Variants in DUSP1 observed in about 807,000 individuals in gnomAD.
DUSP1 encodes the protein dual specificity phosphatase 1, also known as dual specificity protein phosphatase 1.
A neutral mutation model predicts 27.4 loss-of-function variants in DUSP1; 10 were observed. That is an observed-to-expected ratio of 0.37 (90% confidence interval 0.23 to 0.62). The LOEUF (loss-of-function observed/expected upper bound fraction) is 0.62, where lower values mean the gene tolerates loss of function less well. DUSP1 is among the 20% of genes least tolerant of loss of function. The probability of loss-of-function intolerance (pLI) is 0.68; values close to 1 mark genes in which losing one functional copy is unlikely to be tolerated. For missense variants in DUSP1, 425 were observed against 508.1 expected (o/e 0.84, Z 1.57); for synonymous variants, 262 against 223.6 (o/e 1.17, Z -1.53).
Position 172,770,168 on chromosome 5 carries a change from T to C in DUSP1, c.506A>G (p.Tyr169Cys), listed in dbSNP as rs2113424214. The C allele has an allele frequency of 6.3e-7, 1 of 1,578,466 alleles. No individual in the cohort carries two copies. The highest frequency in any genetic ancestry group is 1.2e-5 in the South Asian group (1 of 85,800). The stretch of plus-strand genomic sequence containing the variant: ...GCAGGGACACCTACTAACCTGATCG[T>C]AGAGTGGGGTACTGCAGGAACTGCA... ...SGCSSCSTPL[Y>C]DQGGPVEILP... Residue 169 changes from tyrosine (Y) to cysteine (C), a missense_variant, in exon 2 of 4, where the codon TAC (tyrosine) becomes TGC (cysteine). Coordinates refer to ENST00000239223, the MANE Select transcript of DUSP1 (RefSeq NM_004417.4).
chr5:172,770,462 G>C, intron 1 of DUSP1, 124 bp downstream of exon 1: 1 of 1,524,310 alleles, frequency 6.6e-7, no homozygotes, highest in Non-Finnish European at 8.7e-7. Flanking sequence ...ACAAGTTCCA[G>C]AGATAAATGT....
chr5:172,768,619 T>C lies in DUSP1; in HGVS notation c.*143A>G, dbSNP rs1291475176. 6 of 1,190,242 alleles carry C rather than the reference T, an allele frequency of 5.0e-6. No homozygotes were observed. The highest frequency in any genetic ancestry group is 6.6e-6 in the Non-Finnish European group (6 of 910,286). 73.7% of individuals were successfully genotyped at this position (1,190,242 alleles called of 1,614,324 possible). ...CTTGACGCTAAGTCATCACCATAAC[T>C]GCTTAGAAACCCAGAGGAACTCGGG... On this transcript the variant is annotated 3_prime_UTR_variant, in exon 4 of 4. Transcript: ENST00000239223.
Position 172,768,569 on chromosome 5 carries a change from C to T in DUSP1, c.*193G>A, listed in dbSNP as rs2113422052. On this transcript the variant is annotated 3_prime_UTR_variant, in exon 4 of 4. Coordinates refer to ENST00000239223, the MANE Select transcript of DUSP1 (RefSeq NM_004417.4). ...TGATGTACCCACTATATATTGGTCC[C>T]GAATGTGCTGAGTTCAGCAAATGTC... is the stretch of plus-strand genomic sequence containing the variant. The T allele has an allele frequency of 3.0e-6, 2 of 665,550 alleles. No homozygotes were observed. Among genetic ancestry groups the T allele is most frequent in the Non-Finnish European group, 4.4e-6 (2 of 458,436 alleles). 41.2% of individuals were successfully genotyped at this position (665,550 alleles called of 1,614,324 possible). A position where few individuals can be genotyped will look rare whatever the true frequency, so the allele number is the denominator to read the frequency against.
At chr5:172,770,462 G>A in intron 1 of DUSP1, 124 bp downstream of exon 1, 1 of 1,524,310 alleles carries the variant, frequency 6.6e-7, no homozygotes, top group African/African-American at 1.4e-5. Flanking sequence ...ACAAGTTCCA[G>A]AGATAAATGT....
At position 172,768,669 on chromosome 5, in the gene DUSP1, C is replaced by G; in HGVS notation, c.*93G>C. The G allele has an allele frequency of 7.0e-7, 1 of 1,419,348 alleles. No homozygotes were observed. Among genetic ancestry groups the G allele is most frequent in the Non-Finnish European group, 9.3e-7 (1 of 1,079,842 alleles). 87.9% of individuals were successfully genotyped at this position (1,419,348 alleles called of 1,614,324 possible). On this transcript the variant is annotated 3_prime_UTR_variant, in exon 4 of 4. Transcript: ENST00000239223. Reference sequence around the variant, plus strand: ...GTGAAGTTAAATAAATAAGGACCAGCCCTCTCGAGCCCCTCCCAGAGTTAT... The same window carrying G: ...GTGAAGTTAAATAAATAAGGACCAGGCCTCTCGAGCCCCTCCCAGAGTTAT...
rs1759830250 is a variant in DUSP1 at position 172,768,743 on chromosome 5, C to G, written c.*19G>C. 1 of 1,503,184 alleles carries G rather than the reference C, an allele frequency of 6.7e-7. No individual in the cohort carries two copies. The highest frequency in any genetic ancestry group is 1.4e-5 in the South Asian group (1 of 73,672). The allele number at this position is 1,503,184 out of a possible 1,614,324, so 93.1% of individuals were successfully genotyped here. A position where few individuals can be genotyped will look rare whatever the true frequency, so the allele number is the denominator to read the frequency against. On this transcript the variant is annotated 3_prime_UTR_variant, in exon 4 of 4. Transcript: ENST00000239223. ...TGGAGTCCCAATGGGATGTGAAGAG[C>G]CTCACCTCCCGTGGCCTTTCAGCAG...
chr5:172,770,986 T>G lies in DUSP1; in HGVS notation c.-34A>C. 2.2e-6 allele frequency: 3 copies of G among 1,383,876 alleles called. No individual in the cohort carries two copies. Among genetic ancestry groups the G allele is most frequent in the South Asian group, 3.2e-5 (2 of 63,132 alleles). 85.7% of individuals were successfully genotyped at this position (1,383,876 alleles called of 1,614,324 possible). ...TCAGCGCCCCCAGCGTGATCGGCCC[T>G]GCGGTGCTCTTTGTCTGTTCTCGGG... On this transcript the variant is annotated 5_prime_UTR_variant, in exon 1 of 4. Coordinates refer to ENST00000239223, the MANE Select transcript of DUSP1 (RefSeq NM_004417.4).
intron 1 of DUSP1, 112 bp downstream of exon 1, chr5:172,770,474 C>G: frequency 6.7e-7 from 1 of 1,495,326 alleles, no homozygotes; most frequent in Non-Finnish European, 8.8e-7. Context: ...GATAAATGTA[C>G]TCCAGCGCCC....
chr5:172,769,889 C>G, intron 2 of DUSP1, 95 bp from the exon 3 acceptor site: 1 of 1,407,068 alleles, frequency 7.1e-7, no homozygotes, highest in Non-Finnish European at 9.7e-7. Context: ...AAGTCAATTT[C>G]AGATACCGAG....
Position 172,770,884 on chromosome 5 carries a change from T to A in DUSP1, c.69A>T (p.Gln23His), listed in dbSNP as rs1174745207. The A allele has an allele frequency of 1.3e-6, 2 of 1,532,614 alleles. No individual in the cohort carries two copies. The highest frequency in any genetic ancestry group is 2.8e-5 in the African/African-American group (2 of 72,448). 94.9% of individuals were successfully genotyped at this position (1,532,614 alleles called of 1,614,324 possible). A position where few individuals can be genotyped will look rare whatever the true frequency, so the allele number is the denominator to read the frequency against. Residue 23 changes from glutamine (Q) to histidine (H), a missense_variant, in exon 1 of 4, where the codon CAA (glutamine) becomes CAT (histidine). Gln to His is a conservative substitution (Grantham distance 24). Coordinates refer to ENST00000239223, the MANE Select transcript of DUSP1 (RefSeq NM_004417.4). The part of the protein sequence containing the change: ...LRALLGERAA[Q>H]CLLLDCRSFF... ...AGGAGCGGCAGTCCAGCAGCAGGCA[T>A]TGCGCCGCTCGCTCCCCCAGCAGCG... is the stretch of plus-strand genomic sequence containing the variant.
chr5:172,768,829 G>A lies in DUSP1; in HGVS notation c.1037C>T (p.Pro346Leu), dbSNP rs1759832301. 1 of 1,589,568 alleles carries A rather than the reference G, an allele frequency of 6.3e-7. No individual in the cohort carries two copies. Among genetic ancestry groups the A allele is most frequent in the Non-Finnish European group, 8.6e-7 (1 of 1,166,850 alleles). Reference sequence around the variant, plus strand: ...CAGCGCACTGTTCGTGGAGTGGACAGGGATGGAGACGGGGAAGTTGAACAC... The same window carrying A: ...CAGCGCACTGTTCGTGGAGTGGACAAGGATGGAGACGGGGAAGTTGAACAC... The part of the protein sequence containing the change: ...TTVFNFPVSI[P>L]VHSTNSALSY... Residue 346 changes from proline to leucine, a missense_variant, in exon 4 of 4, where the codon CCT becomes CTT. This residue lies in a region of DUSP1 where 84 missense variants were observed against 80.5 expected (regional missense o/e 1.04). Transcript: ENST00000239223.
Sources: gnomAD v4.1 joint callset for allele counts on GRCh38, gnomAD v4.1.1 for gene constraint, gnomAD v4.1.1 regional missense constraint, MANE v1.5 for transcripts, NCBI Gene and HGNC (gene_info 2026-07-23, HGNC 2026-07-21) for gene names.